The following C8orf34 variants were observed in gnomAD, a reference collection of about 807,000 sequenced individuals.
The protein encoded by C8orf34 is uncharacterized protein C8orf34.
In C8orf34, 65 loss-of-function variants were observed where a neutral mutation model predicts 68.3. The observed-to-expected ratio is 0.95, with a 90% CI of 0.78 to 1.17. C8orf34 has a LOEUF of 1.17. Among genes scored for constraint, C8orf34 ranks in the 50% most tolerant of loss-of-function variants. C8orf34 has a pLI of 0.00. For missense variants in C8orf34, 664 were observed against 655.4 expected, an observed-to-expected ratio of 1.01 and a Z score of -0.14; for synonymous variants, 244 against 241.2, an observed-to-expected ratio of 1.01 and a Z score of -0.11.
rs1810109206 is a variant in C8orf34 at position 68,424,216 on chromosome 8, C to T, written c.328-15283C>T. Reference sequence around the variant, plus strand: ...ATATTGAGTGGGAGTTCCAACAGTACTAGAAAAGTGAAGCAGACCAGAATA... The same window carrying T: ...ATATTGAGTGGGAGTTCCAACAGTATTAGAAAAGTGAAGCAGACCAGAATA... On this transcript the variant is annotated intron_variant, in intron 1 of 13. Transcript: ENST00000518698. Among the ~76,000 whole-genome samples, 3 of 152,030 alleles carry T rather than the reference C, an allele frequency of 2.0e-5. No individual in the cohort carries two copies. In the South Asian group the frequency reaches 6.2e-4, roughly 32 times the overall value.
At chr8:68,537,425 G>A (rs1815522721) in intron 7 of C8orf34, among the ~76,000 whole-genome samples, 1 of 151,426 alleles carries the variant, frequency 6.6e-6, no homozygotes. Context: ...TCATAAAAAA[G>A]ATTATTCATA....
At chr8:68,676,722 A>G (rs957792933) in intron 8 of C8orf34, among the ~76,000 whole-genome samples, 1 of 152,160 alleles carries the variant, frequency 6.6e-6, no homozygotes, top group African/African-American at 2.4e-5. Context: ...CTGACTTTGT[A>G]TTAGTTCGTT....
At chr8:68,420,927 T>C (rs1246911621) in intron 1 of C8orf34, among the ~76,000 whole-genome samples, 1 of 150,638 alleles carries the variant, frequency 6.6e-6, no homozygotes, top group Non-Finnish European at 1.5e-5. Flanking sequence ...TGAGAAAGTC[T>C]AATGCAGTAA....
intron 9 of C8orf34, among the ~76,000 whole-genome samples, chr8:68,713,590 C>A (rs2130976825): frequency 6.6e-6 from 1 of 152,078 alleles, no homozygotes. Context: ...ATACAACCCT[C>A]CTAGATTAAA....
chr8:68,398,927 C>T (rs757507435), intron 1 of C8orf34, among the ~76,000 whole-genome samples: 7 of 152,080 alleles, frequency 4.6e-5, no homozygotes, highest in Admixed American at 1.3e-4. Context: ...TGCTGTCCCT[C>T]GGGCCACTAT....
chr8:68,709,929 C>A (rs1270129777), intron 9 of C8orf34, among the ~76,000 whole-genome samples: 3 of 152,080 alleles, frequency 2.0e-5, no homozygotes, highest in African/African-American at 7.2e-5. Context: ...ATACATTCAA[C>A]CTGGATAGTT....
chr8:68,454,277 A>T (rs76389149), intron 3 of C8orf34, among the ~76,000 whole-genome samples: 16,724 of 152,012 alleles, frequency 0.11, 1,019 homozygotes, highest in African/African-American at 0.14. Context: ...CTGGCCTCTT[A>T]GAATAAATCA....
chr8:68,659,280 A>G, intron 8 of C8orf34, among the ~76,000 whole-genome samples: 1 of 152,092 alleles, frequency 6.6e-6, no homozygotes, highest in African/African-American at 2.4e-5. Context: ...GCCTTGATTT[A>G]ATATTGGAGC....
chr8:68,645,392 C>T (rs1819137489), intron 8 of C8orf34, among the ~76,000 whole-genome samples: 1 of 152,074 alleles, frequency 6.6e-6, no homozygotes, highest in African/African-American at 2.4e-5. Flanking sequence ...TTTTGAGAAA[C>T]TCACATTAAA....
intron 1 of C8orf34, among the ~76,000 whole-genome samples, chr8:68,419,902 A>G (rs1000637313): frequency 1.5e-4 from 22 of 150,510 alleles, no homozygotes; most frequent in South Asian, 4.3e-4. Flanking sequence ...TGGGTGCAGC[A>G]CACCAGCATG....
chr8:68,343,322 G>C lies in C8orf34; in HGVS notation c.327+11983G>C, dbSNP rs554050447. Among the ~76,000 whole-genome samples, 4 of 152,310 alleles carry C rather than the reference G, an allele frequency of 2.6e-5. No individual in the cohort carries two copies. In the South Asian group the frequency reaches 8.3e-4, roughly 32 times the overall value. ...AACTGAGACCACCAAATGATGGTGA[G>C]GATGAAGAGAGACTGAATCACTCGT... On this transcript the variant is annotated intron_variant, in intron 1 of 13. Coordinates refer to ENST00000518698, the MANE Select transcript of C8orf34 (RefSeq NM_052958.4).
At chr8:68,658,986 A>G (rs1221877757) in intron 8 of C8orf34, among the ~76,000 whole-genome samples, 1 of 151,952 alleles carries the variant, frequency 6.6e-6, no homozygotes, top group East Asian at 1.9e-4. Flanking sequence ...CATGGCATGT[A>G]TTTTCTTCAT....
At chr8:68,510,498 T>C (rs1471599384) in intron 5 of C8orf34, among the ~76,000 whole-genome samples, 1 of 152,190 alleles carries the variant, frequency 6.6e-6, no homozygotes, top group African/African-American at 2.4e-5. Context: ...AGATTGCTGG[T>C]TGGTTCACAG....
chr8:68,650,021 A>C (rs550399316), intron 8 of C8orf34, among the ~76,000 whole-genome samples: 10 of 151,212 alleles, frequency 6.6e-5, no homozygotes, highest in African/African-American at 2.2e-4. Context: ...GAAATCAAAT[A>C]TACATTTAAA....
intron 10 of C8orf34, among the ~76,000 whole-genome samples, chr8:68,757,403 G>T (rs1442095704): frequency 6.6e-6 from 1 of 152,138 alleles, no homozygotes; most frequent in Non-Finnish European, 1.5e-5. Flanking sequence ...GCTGAGGCGG[G>T]CGGATCACCT....
intron 7 of C8orf34, among the ~76,000 whole-genome samples, chr8:68,552,754 T>A (rs946232030): frequency 1.3e-5 from 2 of 152,132 alleles, no homozygotes; most frequent in Non-Finnish European, 2.9e-5. Context: ...TATTTCTAGT[T>A]TGTTAAGTTG....
chr8:68,789,515 T>C (rs1011851051), intron 12 of C8orf34, among the ~76,000 whole-genome samples: 3 of 152,220 alleles, frequency 2.0e-5, no homozygotes, highest in Admixed American at 2.0e-4. Flanking sequence ...TCCCCAGAAC[T>C]TTCTTCAACC....
intron 1 of C8orf34, among the ~76,000 whole-genome samples, chr8:68,415,323 G>T (rs749474086): frequency 6.6e-6 from 1 of 151,990 alleles, no homozygotes; most frequent in Non-Finnish European, 1.5e-5. Flanking sequence ...CTACTAAAAG[G>T]ACAAAAATTA....
At chr8:68,387,608 A>G (rs900223830) in intron 1 of C8orf34, among the ~76,000 whole-genome samples, 1 of 152,266 alleles carries the variant, frequency 6.6e-6, no homozygotes, top group African/African-American at 2.4e-5. Flanking sequence ...AAGGAAGAAG[A>G]TACAGAAATG....
Sources: gnomAD v4.1 joint callset for allele counts (sites outside exome capture counted in the v4.1 genomes callset) on GRCh38, gnomAD v4.1.1 for gene constraint, MANE v1.5 for transcripts, NCBI Gene and HGNC (gene_info 2026-07-23, HGNC 2026-07-21) for gene names.